Variants in KAZN observed in about 807,000 individuals in gnomAD.
KAZN encodes kazrin, periplakin interacting protein.
In KAZN, 40 loss-of-function variants were observed where a neutral mutation model predicts 87.4. The observed-to-expected ratio is 0.46, with a 90% CI of 0.36 to 0.60. The LOEUF (loss-of-function observed/expected upper bound fraction) is 0.60. Among genes scored for constraint, KAZN ranks in the 20% least tolerant of loss-of-function variants. KAZN has a pLI of 0.00. For missense variants in KAZN, 898 were observed against 1,073.9 expected (o/e 0.84, Z 2.29); for synonymous variants, 466 against 458.3 (o/e 1.02, Z -0.22).
intron 1 of KAZN, among the ~76,000 whole-genome samples, chr1:14,858,932 C>T (rs965712490): frequency 4.6e-5 from 7 of 152,092 alleles, no homozygotes; most frequent in Admixed American, 1.3e-4. Flanking sequence ...GTATTAAGAA[C>T]TGCAATTCTC....
intron 2 of KAZN, among the ~76,000 whole-genome samples, chr1:14,348,051 ATTTTTT>A: frequency 8.5e-6 from 1 of 117,874 alleles, no homozygotes; most frequent in East Asian, 2.5e-4. Flanking sequence ...CACCTGGCTA[ATTTTTT>A]TTTTTTTTTT....
At chr1:13,981,303 A>C (rs7524371) in intron 1 of KAZN, among the ~76,000 whole-genome samples, 1 of 147,324 alleles carries the variant, frequency 6.8e-6, no homozygotes, top group Admixed American at 6.8e-5. Flanking sequence ...TAAATTATAA[A>C]TTAGTAATAT....
chr1:14,577,019 G>A (rs182527473), intron 2 of KAZN, among the ~76,000 whole-genome samples: 1 of 152,312 alleles, frequency 6.6e-6, no homozygotes, highest in Non-Finnish European at 1.5e-5. Flanking sequence ...TTGGTAGTTT[G>A]AAGACGCAGC....
chr1:14,815,302 G>A lies in KAZN; in HGVS notation c.227-145382G>A, dbSNP rs536197135. On this transcript the variant is annotated intron_variant, in intron 1 of 14. Transcript: ENST00000376030. ...AATTTGCCCCTTCTGGGTGCTGGGC[G>A]CTCCCTGAGGCATTCATCCGGTGTC... Among the ~76,000 whole-genome samples the A allele has an allele frequency of 5.9e-5, 9 of 152,268 alleles. No homozygotes were observed. The East Asian group carries it at 9.7e-4, about 16-fold the overall frequency.
chr1:14,972,703 C>T (rs902309545), intron 2 of KAZN, among the ~76,000 whole-genome samples: 7 of 151,824 alleles, frequency 4.6e-5, no homozygotes, highest in Non-Finnish European at 7.4e-5. Flanking sequence ...TTAGTAGAGA[C>T]GGGGTTTCAC....
intron 13 of KAZN, among the ~76,000 whole-genome samples, chr1:15,109,649 A>T (rs979067716): frequency 3.4e-5 from 1 of 29,568 alleles, no homozygotes; most frequent in African/African-American, 1.4e-4. Flanking sequence ...GTGTGTTTGT[A>T]TGTTTGTGTA....
At chr1:14,484,173 G>A (rs2480062) in intron 2 of KAZN, among the ~76,000 whole-genome samples, 58,183 of 152,008 alleles carry the variant, frequency 0.38, 11,714 homozygotes, top group East Asian at 0.59. Flanking sequence ...TAGCTTTGTA[G>A]TATAGTTTGA....
chr1:14,692,379 G>C (rs542496606), intron 1 of KAZN: 3 of 312,840 alleles, frequency 9.6e-6, no homozygotes, highest in East Asian at 5.3e-5. Context: ...TTTTCCATAC[G>C]TCAGTTTTTC....
At chr1:14,556,803 G>A (rs1040345749) in intron 2 of KAZN, among the ~76,000 whole-genome samples, 8 of 152,218 alleles carry the variant, frequency 5.3e-5, no homozygotes, top group East Asian at 3.9e-4. Flanking sequence ...TCAATGGCCC[G>A]TTTGGCTCTG....
At chr1:14,826,646 C>G (rs1036688210) in intron 1 of KAZN, among the ~76,000 whole-genome samples, 1 of 152,182 alleles carries the variant, frequency 6.6e-6, no homozygotes, top group Non-Finnish European at 1.5e-5. Flanking sequence ...TGCATGCCCC[C>G]ACTGAGACTG....
At chr1:14,079,236 C>CCAGG (rs939328805) in intron 1 of KAZN, among the ~76,000 whole-genome samples, 1 of 152,180 alleles carries the variant, frequency 6.6e-6, no homozygotes, top group African/African-American at 2.4e-5. Context: ...CAGGGAGGTG[C>CCAGG]CAGGCTCTTT....
intron 1 of KAZN, among the ~76,000 whole-genome samples, chr1:13,954,660 CATGCCCTAAAAGAAAAGCAAG>C (rs1407250725): frequency 6.6e-6 from 1 of 152,168 alleles, no homozygotes; most frequent in Non-Finnish European, 1.5e-5. Context: ...TGAGGACAGC[CATGCCCTAAAAGAAAAGCAAG>C]CATTCATCAC....
chr1:15,073,083 T>C (rs773186678), intron 8 of KAZN, among the ~76,000 whole-genome samples: 1 of 152,218 alleles, frequency 6.6e-6, no homozygotes, highest in African/African-American at 2.4e-5. Flanking sequence ...GGCTCCAGCC[T>C]ACCCTCAGCC....
chr1:15,048,627 C>CGGTCCTGGGTCGTTGATCCTTGGTCGTT (rs1557754248), intron 4 of KAZN, among the ~76,000 whole-genome samples: 2 of 96,082 alleles, frequency 2.1e-5, no homozygotes, highest in African/African-American at 4.2e-5. Flanking sequence ...CCTGGGTCGT[C>CGGTCCTGGGTCGTTGATCCTTGGTCGTT]GGTCCTGGGT....
chr1:14,264,640 C>A (rs1459307930), intron 2 of KAZN, among the ~76,000 whole-genome samples: 2 of 152,150 alleles, frequency 1.3e-5, no homozygotes, highest in African/African-American at 4.8e-5. Flanking sequence ...GATGCTGGTA[C>A]CTTGTTACTG....
At chr1:14,240,218 C>T (rs1320538325) in intron 2 of KAZN, among the ~76,000 whole-genome samples, 1 of 152,204 alleles carries the variant, frequency 6.6e-6, no homozygotes, top group African/African-American at 2.4e-5. Flanking sequence ...TTTTCTTATA[C>T]ACAAACTATA....
chr1:14,496,361 A>G (rs1380676552), intron 2 of KAZN, among the ~76,000 whole-genome samples: 1 of 152,140 alleles, frequency 6.6e-6, no homozygotes, highest in Non-Finnish European at 1.5e-5. Context: ...TTCTGGGGGG[A>G]AGGGAATAAC....
Position 14,883,355 on chromosome 1 carries a change from A to AAAGAAAGAAAGAAAGAAAG in KAZN, c.227-77327_227-77326insGAAAGAAAGAAAGAAAGAA, listed in dbSNP as rs1449958306. Reference sequence around the variant, plus strand: ...GAGAGAGAGAGAGAAAGAAAGAAAGAAAAGAAAGAAAGAAAGAAAGAAAGA... The same window carrying AAAGAAAGAAAGAAAGAAAG: ...GAGAGAGAGAGAGAAAGAAAGAAAGAAAGAAAGAAAGAAAGAAAGAAAGAAAGAAAGAAAGAAAGAAAGA... On this transcript the variant is annotated intron_variant, in intron 1 of 14. Transcript: ENST00000376030. Among the ~76,000 whole-genome samples, 14 of 20,620 alleles carry AAAGAAAGAAAGAAAGAAAG rather than the reference A, an allele frequency of 6.8e-4. 3 individuals carry two copies. Among genetic ancestry groups the AAAGAAAGAAAGAAAGAAAG allele is most frequent in the African/African-American group, 9.1e-4 (6 of 6,558 alleles). 13.5% of individuals were successfully genotyped at this position (20,620 alleles called of 152,430 possible).
chr1:14,858,062 G>T (rs1482539317), intron 1 of KAZN, among the ~76,000 whole-genome samples: 1 of 152,028 alleles, frequency 6.6e-6, no homozygotes, highest in Non-Finnish European at 1.5e-5. Flanking sequence ...GCAATATTGG[G>T]CTTTTGTGTC....
Sources: allele counts gnomAD v4.1 joint callset (sites outside exome capture counted in the v4.1 genomes callset), GRCh38; gene constraint gnomAD v4.1.1; transcripts MANE v1.5; gene names NCBI Gene and HGNC (gene_info 2026-07-23, HGNC 2026-07-21).